Variants in BANF2 observed in about 807,000 individuals in gnomAD.
The protein encoded by BANF2 is barrier-to-autointegration factor-like protein.
Under a neutral mutation model 8.0 loss-of-function variants are expected in BANF2, and 4 were observed. The observed-to-expected ratio is 0.50, with a 90% CI of 0.25 to 1.14. BANF2 has a LOEUF of 1.14. Among genes scored for constraint, BANF2 ranks in the 50% most tolerant of loss-of-function variants. The pLI is 0.16. For synonymous variants in BANF2, 50 were observed against 40.6 expected, an observed-to-expected ratio of 1.23 and a Z score of -0.88; for missense variants, 96 against 107.5, an observed-to-expected ratio of 0.89 and a Z score of 0.47.
intron 2 of BANF2, among the ~76,000 whole-genome samples, chr20:17,724,765 C>T (rs1008185465): frequency 1.5e-4 from 23 of 152,166 alleles, no homozygotes; most frequent in Admixed American, 5.9e-4. Context: ...ACACTCTTTT[C>T]GTGGAAATTT....
Position 17,735,788 on chromosome 20 carries a change from G to T in BANF2, c.250G>T (p.Glu84Ter). ...EAQQTSHCLK[E>*]WCACFL ...CCAGCAGACTTCTCACTGCCTCAAG[G>T]AGTGGTGTGCCTGCTTCCTGTAGAC... Residue 84 changes from glutamate to a stop codon, truncating the protein, a stop_gained, in exon 4 of 4, where the codon GAG (glutamate) becomes TAG (stop). Transcript: ENST00000246090. LOFTEE classifies it high-confidence loss of function. 6.2e-7 allele frequency: 1 copy of T among 1,613,732 alleles called. No homozygotes were observed. Among genetic ancestry groups the T allele is most frequent in the East Asian group, 2.2e-5 (1 of 44,856 alleles).
At chr20:17,714,660 T>C (rs535684586) in intron 1 of BANF2, among the ~76,000 whole-genome samples, 3 of 151,832 alleles carry the variant, frequency 2.0e-5, no homozygotes, top group African/African-American at 7.2e-5. Context: ...GGCCAGAAGT[T>C]CTAGGGAATT....
At chr20:17,714,197 C>CAAAAAAA (rs11375517) in intron 1 of BANF2, among the ~76,000 whole-genome samples, 1 of 75,226 alleles carries the variant, frequency 1.3e-5, no homozygotes, top group Non-Finnish European at 2.5e-5. Flanking sequence ...GAGACTCTGT[C>CAAAAAAA]AAAAAAAAAA....
intron 1 of BANF2, among the ~76,000 whole-genome samples, chr20:17,710,952 G>A (rs935456966): frequency 3.9e-5 from 6 of 152,032 alleles, no homozygotes; most frequent in Admixed American, 1.3e-4. Flanking sequence ...GGGCGGGGGC[G>A]CCGCCAGATG....
intron 1 of BANF2, among the ~76,000 whole-genome samples, chr20:17,694,107 A>T (rs150285036): frequency 2.6e-5 from 4 of 152,374 alleles, no homozygotes; most frequent in African/African-American, 9.6e-5. Context: ...TTCATTCAGT[A>T]AATGATTTTT....
chr20:17,699,293 GT>G (rs1440139160), upstream of BANF2, among the ~76,000 whole-genome samples: 4 of 152,110 alleles, frequency 2.6e-5, no homozygotes, highest in African/African-American at 9.7e-5. Context: ...CCTTTTTTGA[GT>G]TTTTCTTTTC....
At chr20:17,728,153 C>A (rs1020623893) in intron 3 of BANF2, among the ~76,000 whole-genome samples, 1 of 152,152 alleles carries the variant, frequency 6.6e-6, no homozygotes, top group Non-Finnish European at 1.5e-5. Context: ...CCCTCCCCTG[C>A]TCCCCGTCCC....
At chr20:17,698,600 C>G (rs1278378556), upstream of BANF2, among the ~76,000 whole-genome samples, 1 of 152,222 alleles carries the variant, frequency 6.6e-6, no homozygotes, top group Non-Finnish European at 1.5e-5. Flanking sequence ...TGAGGACATT[C>G]TGCAACTTGC....
chr20:17,718,216 T>C (rs1039820101), intron 1 of BANF2, among the ~76,000 whole-genome samples: 5 of 152,154 alleles, frequency 3.3e-5, no homozygotes, highest in African/African-American at 1.2e-4. Context: ...GTTTTTGTTT[T>C]TGTTTTGAGA....
At chr20:17,725,921 A>C (rs573692472) in intron 3 of BANF2, among the ~76,000 whole-genome samples, 8 of 152,202 alleles carry the variant, frequency 5.3e-5, no homozygotes, top group Non-Finnish European at 8.8e-5. Flanking sequence ...ACTGCTGCAC[A>C]CATGGCTGAC....
intron 2 of BANF2, among the ~76,000 whole-genome samples, chr20:17,724,011 CA>C (rs746182165): frequency 5.3e-5 from 8 of 152,038 alleles, no homozygotes; most frequent in Non-Finnish European, 8.8e-5. Flanking sequence ...CAAAACAAAA[CA>C]AAAAACTGGA....
chr20:17,732,543 G>A (rs1254374563), intron 3 of BANF2, among the ~76,000 whole-genome samples: 8 of 151,798 alleles, frequency 5.3e-5, no homozygotes, highest in Admixed American at 2.0e-4. Context: ...TTTTAGTAGA[G>A]ATGGGGTTTC....
intron 3 of BANF2, among the ~76,000 whole-genome samples, chr20:17,727,529 G>C: frequency 6.6e-6 from 1 of 152,148 alleles, no homozygotes; most frequent in East Asian, 1.9e-4. Flanking sequence ...GTGAGAGCCT[G>C]TATCAGGGTC....
At chr20:17,708,541 G>A (rs889069949) in intron 1 of BANF2, among the ~76,000 whole-genome samples, 1 of 152,156 alleles carries the variant, frequency 6.6e-6, no homozygotes, top group African/African-American at 2.4e-5. Context: ...TTTAGATGGG[G>A]TCTGGGACCT....
At chr20:17,728,924 A>G (rs1029900865) in intron 3 of BANF2, among the ~76,000 whole-genome samples, 2 of 152,188 alleles carry the variant, frequency 1.3e-5, no homozygotes, top group African/African-American at 4.8e-5. Flanking sequence ...AACGTAAAAT[A>G]GCTCATCTGT....
intron 1 of BANF2, among the ~76,000 whole-genome samples, chr20:17,694,599 CT>C (rs1349729736): frequency 4.8e-5 from 4 of 82,786 alleles, no homozygotes; most frequent in South Asian, 1.3e-3. Context: ...TTTTTTCTCT[CT>C]CTTTTTTTTT....
At chr20:17,696,700 A>G (rs2037348741), upstream of BANF2, among the ~76,000 whole-genome samples, 1 of 152,192 alleles carries the variant, frequency 6.6e-6, no homozygotes, top group Non-Finnish European at 1.5e-5. Flanking sequence ...GCTCTGGTAC[A>G]GTAGGCTTCA....
intron 3 of BANF2, among the ~76,000 whole-genome samples, chr20:17,732,577 G>A (rs6044977): frequency 0.31 from 46,695 of 152,004 alleles, 7,426 homozygotes; most frequent in East Asian, 0.47. Context: ...GGCTGGTCTC[G>A]AACTCCTGAC....
chr20:17,709,258 A>C (rs1014163751), intron 1 of BANF2, among the ~76,000 whole-genome samples: 3 of 152,030 alleles, frequency 2.0e-5, no homozygotes, highest in African/African-American at 7.2e-5. Flanking sequence ...ACATACTCAC[A>C]CCCTCCTATC....
Sources: gnomAD v4.1 joint callset for allele counts (sites outside exome capture counted in the v4.1 genomes callset) on GRCh38, gnomAD v4.1.1 for gene constraint, MANE v1.5 for transcripts, NCBI Gene and HGNC (gene_info 2026-07-23, HGNC 2026-07-21) for gene names.